Variants in PHLPP1 observed in about 807,000 individuals in gnomAD.
PHLPP1 encodes PH domain and leucine rich repeat protein phosphatase 1.
PHLPP1 carries 42 observed loss-of-function variants against 117.2 expected under a neutral mutation model. The ratio of observed to expected loss-of-function variants is 0.36; its 90% CI spans 0.28 to 0.46. The LOEUF is 0.46. Ranked by LOEUF, PHLPP1 falls within the 20% of genes least tolerant of loss-of-function variation. The pLI is 1.00. For synonymous variants in PHLPP1, 1,042 were observed against 970.7 expected (o/e 1.07, Z -1.37); for missense variants, 2,084 against 2,241.9 (o/e 0.93, Z 1.42).
chr18:62,791,604 T>C (rs1198685560), intron 1 of PHLPP1, among the ~76,000 whole-genome samples: 1 of 152,210 alleles, frequency 6.6e-6, no homozygotes, highest in Non-Finnish European at 1.5e-5. Context: ...ATGTTCTTGC[T>C]GTTTTTTATG....
rs1359185653 is a variant in PHLPP1 at position 62,715,791 on chromosome 18, G to GGCC, written c.111_113dup (p.Ala40dup). On this transcript the variant is annotated inframe_insertion, in exon 1 of 17. Transcript: ENST00000262719. The stretch of plus-strand genomic sequence containing the variant: ...CTGCGGCAGCAGCAGCAGCAGCGGC[G>GGCC]GCCGCGGCGGCTCTGGCGGCGGCGG... 1.3e-6 allele frequency: 1 copy of GGCC among 791,526 alleles called. No individual in the cohort carries two copies. Among genetic ancestry groups the GGCC allele is most frequent in the Non-Finnish European group, 1.5e-6 (1 of 645,510 alleles). 49.0% of individuals were successfully genotyped at this position (791,526 alleles called of 1,614,324 possible). A position where few individuals can be genotyped will look rare whatever the true frequency, so the allele number is the denominator to read the frequency against.
At chr18:62,976,196 A>G (rs990203457) in intron 16 of PHLPP1, among the ~76,000 whole-genome samples, 1 of 152,168 alleles carries the variant, frequency 6.6e-6, no homozygotes, top group African/African-American at 2.4e-5. Flanking sequence ...ATATGGAGAC[A>G]TTTTTGGTCA....
At chr18:62,790,750 A>T (rs1424393682) in intron 1 of PHLPP1, among the ~76,000 whole-genome samples, 1 of 152,164 alleles carries the variant, frequency 6.6e-6, no homozygotes, top group East Asian at 1.9e-4. Flanking sequence ...AAGATTAGTT[A>T]TGTGGCTCTT....
chr18:62,966,095 T>G (rs1910896783), intron 14 of PHLPP1, among the ~76,000 whole-genome samples: 2 of 152,102 alleles, frequency 1.3e-5, no homozygotes, highest in East Asian at 3.8e-4. Flanking sequence ...TTTCTTGCTG[T>G]GTGACCATGG....
At chr18:62,968,643 T>C (rs1910970116) in intron 14 of PHLPP1, among the ~76,000 whole-genome samples, 1 of 146,004 alleles carries the variant, frequency 6.8e-6, no homozygotes, top group South Asian at 2.3e-4. Context: ...GTTCACGCAA[T>C]TCTTCTGCCT....
intron 1 of PHLPP1, among the ~76,000 whole-genome samples, chr18:62,744,633 G>A (rs879648661): frequency 6.6e-5 from 10 of 152,152 alleles, no homozygotes; most frequent in Admixed American, 2.0e-4. Context: ...AGGGAGAAAA[G>A]GAACCAGTAA....
chr18:62,723,954 G>A (rs1910996075), intron 1 of PHLPP1, among the ~76,000 whole-genome samples: 2 of 151,908 alleles, frequency 1.3e-5, no homozygotes, highest in African/African-American at 2.4e-5. Context: ...TTTTTTGAAG[G>A]GCTTTGAAAG....
chr18:62,867,693 A>G (rs1462164013), intron 4 of PHLPP1, among the ~76,000 whole-genome samples: 2 of 152,084 alleles, frequency 1.3e-5, no homozygotes, highest in Non-Finnish European at 2.9e-5. Flanking sequence ...CAGTGTGTGG[A>G]CCTTTTCCTC....
intron 1 of PHLPP1, among the ~76,000 whole-genome samples, chr18:62,825,727 T>C (rs1304973181): frequency 6.6e-6 from 1 of 152,082 alleles, no homozygotes; most frequent in Non-Finnish European, 1.5e-5. Context: ...GTGCTGAGAT[T>C]ACAGGCATAA....
At chr18:62,766,952 G>A (rs532107134) in intron 1 of PHLPP1, among the ~76,000 whole-genome samples, 5 of 152,108 alleles carry the variant, frequency 3.3e-5, no homozygotes, top group Middle Eastern at 6.8e-3. Flanking sequence ...ATGTTCTTGG[G>A]GGTGGAAAGT....
At chr18:62,915,756 C>G (rs1009938575) in intron 9 of PHLPP1, among the ~76,000 whole-genome samples, 4 of 152,226 alleles carry the variant, frequency 2.6e-5, no homozygotes, top group African/African-American at 9.6e-5. Flanking sequence ...TGCTCTGCAT[C>G]TGTGCTGGCC....
intron 13 of PHLPP1, among the ~76,000 whole-genome samples, chr18:62,960,554 TAAGAA>T: frequency 6.6e-6 from 1 of 152,250 alleles, no homozygotes; most frequent in Admixed American, 6.5e-5. Flanking sequence ...TCTTATATGA[TAAGAA>T]AAGTACTCAA....
chr18:62,812,855 G>A (rs182512077), intron 1 of PHLPP1, among the ~76,000 whole-genome samples: 1 of 152,188 alleles, frequency 6.6e-6, no homozygotes, highest in Admixed American at 6.5e-5. Context: ...TGTTGAATGT[G>A]GTGGAAGCTA....
intron 12 of PHLPP1, among the ~76,000 whole-genome samples, chr18:62,945,764 T>C (rs1051319879): frequency 1.3e-5 from 2 of 152,196 alleles, no homozygotes; most frequent in African/African-American, 4.8e-5. Flanking sequence ...CACCAAACAT[T>C]GATTTCAACG....
At position 62,715,760 on chromosome 18, in the gene PHLPP1, C is replaced by T; in HGVS notation, c.77C>T (p.Ala26Val). Residue 26 changes from alanine to valine, a missense_variant, in exon 1 of 17, where the codon GCC (alanine) becomes GTC (valine). Physicochemically the swap from Ala to Val is moderately conservative, Grantham distance 64. Transcript: ENST00000262719. ...GREDRASAPA[A>V]AAAAAAAAAA... ...GAGGACCGAGCTTCGGCTCCGGCGG[C>T]CGCCGCTGCGGCAGCAGCAGCAGCA... is the stretch of plus-strand genomic sequence containing the variant. 2.7e-6 allele frequency: 3 copies of T among 1,096,308 alleles called. No individual in the cohort carries two copies. The highest frequency in any genetic ancestry group is 3.4e-6 in the Non-Finnish European group (3 of 890,672). The allele number at this position is 1,096,308 out of a possible 1,614,324, so 67.9% of individuals were successfully genotyped here. A position where few individuals can be genotyped will look rare whatever the true frequency, so the allele number is the denominator to read the frequency against.
chr18:62,900,440 T>C (rs1175810820), intron 6 of PHLPP1, among the ~76,000 whole-genome samples: 4 of 108,140 alleles, frequency 3.7e-5, no homozygotes, highest in Admixed American at 9.0e-5. Context: ...TTTCTTTTTT[T>C]TTTTTTTTTT....
At chr18:62,938,630 C>T (rs1910040448) in intron 10 of PHLPP1, among the ~76,000 whole-genome samples, 1 of 152,176 alleles carries the variant, frequency 6.6e-6, no homozygotes, top group South Asian at 2.1e-4. Context: ...GGAACCACTT[C>T]ATGTGGTTTC....
intron 1 of PHLPP1, among the ~76,000 whole-genome samples, chr18:62,816,711 T>C (rs1045068144): frequency 6.6e-6 from 1 of 152,206 alleles, no homozygotes; most frequent in African/African-American, 2.4e-5. Flanking sequence ...TTTTTACTAT[T>C]ATCAGTGGCA....
chr18:62,902,856 A>G (rs1332610647), intron 6 of PHLPP1, 108 bp from the exon 7 acceptor site: 9 of 687,778 alleles, frequency 1.3e-5, no homozygotes, highest in South Asian at 1.8e-5. Context: ...ATGGAGAACT[A>G]TAATACAGAG....
Sources: allele counts gnomAD v4.1 joint callset (sites outside exome capture counted in the v4.1 genomes callset), GRCh38; gene constraint gnomAD v4.1.1; transcripts MANE v1.5; gene names NCBI Gene and HGNC (gene_info 2026-07-23, HGNC 2026-07-21).